Variants in RBFOX1 observed in about 807,000 individuals in gnomAD.
RBFOX1 encodes RNA binding fox-1 homolog 1.
In RBFOX1, 8 loss-of-function variants were observed where a neutral mutation model predicts 57.7. The observed-to-expected ratio is 0.14, with a 90% CI of 0.08 to 0.25. The LOEUF is 0.25. Ranked by LOEUF, RBFOX1 falls within the 10% of genes least tolerant of loss-of-function variation. RBFOX1 has a pLI of 1.00. For missense variants in RBFOX1, 611 were observed against 548.5 expected (o/e 1.11, Z -1.14); for synonymous variants, 326 against 222.4 (o/e 1.47, Z -4.15).
intron 1 of RBFOX1, among the ~76,000 whole-genome samples, chr16:6,287,322 A>G (rs1229863535): frequency 1.3e-5 from 2 of 152,148 alleles, no homozygotes; most frequent in Non-Finnish European, 2.9e-5. Context: ...TATCTTGTCT[A>G]TTTGTTCGGA....
At chr16:7,267,752 A>T (rs1316046456) in intron 4 of RBFOX1, among the ~76,000 whole-genome samples, 4 of 152,022 alleles carry the variant, frequency 2.6e-5, no homozygotes, top group African/African-American at 9.7e-5. Flanking sequence ...GCTACTTGGG[A>T]GGCTGAGGTG....
rs1445568097 is a variant in RBFOX1 at position 7,366,700 on chromosome 16, C to G, written c.28-151447C>G. Among the ~76,000 whole-genome samples the G allele has an allele frequency of 2.0e-5, 3 of 151,804 alleles. No homozygotes were observed. In the Middle Eastern group the frequency reaches 0.01, roughly 520 times the overall value. Reference sequence around the variant, plus strand: ...TTGTCAAGCCTGCATTGTGCTAAGCCCTATTAAAATGGTGCCAGAGACCCA... The same window carrying G: ...TTGTCAAGCCTGCATTGTGCTAAGCGCTATTAAAATGGTGCCAGAGACCCA... On this transcript the variant is annotated intron_variant, in intron 4 of 15. Coordinates refer to ENST00000550418, the MANE Select transcript of RBFOX1 (RefSeq NM_018723.4).
At chr16:5,348,688 T>C (rs535426342) in intron 1 of RBFOX1, among the ~76,000 whole-genome samples, 119 of 152,334 alleles carry the variant, frequency 7.8e-4, no homozygotes, top group Admixed American at 2.6e-3. Context: ...ATGTGTTTAG[T>C]AGATGTGTAC....
At chr16:5,765,389 G>A (rs929243194) in intron 3 of RBFOX1, among the ~76,000 whole-genome samples, 1 of 152,044 alleles carries the variant, frequency 6.6e-6, no homozygotes, top group African/African-American at 2.4e-5. Context: ...TCTTTGGAGG[G>A]GAAAAAATCC....
chr16:7,024,647 A>G (rs1427893309), intron 3 of RBFOX1, among the ~76,000 whole-genome samples: 1 of 152,112 alleles, frequency 6.6e-6, no homozygotes, highest in Non-Finnish European at 1.5e-5. Context: ...ATGCTTAGGG[A>G]GATCTCCTGT....
At chr16:7,702,521 A>C (rs985856067) in intron 14 of RBFOX1, among the ~76,000 whole-genome samples, 1 of 152,220 alleles carries the variant, frequency 6.6e-6, no homozygotes, top group Non-Finnish European at 1.5e-5. Flanking sequence ...AAATGCCCAT[A>C]ACAGTTTATG....
intron 1 of RBFOX1, among the ~76,000 whole-genome samples, chr16:6,056,628 G>A (rs980052869): frequency 1.1e-4 from 17 of 152,158 alleles, no homozygotes; most frequent in Non-Finnish European, 2.9e-5. Flanking sequence ...TACCAGGAGA[G>A]GAGACTGGCG....
At chr16:5,974,588 C>T (rs528788404) in intron 4 of RBFOX1, among the ~76,000 whole-genome samples, 24 of 152,012 alleles carry the variant, frequency 1.6e-4, no homozygotes, top group Middle Eastern at 3.4e-3. Context: ...TGAGCCTGGG[C>T]GACAGAGCGA....
chr16:7,038,725 G>A (rs556595971), intron 3 of RBFOX1, among the ~76,000 whole-genome samples: 115 of 152,216 alleles, frequency 7.6e-4, no homozygotes, highest in African/African-American at 2.6e-3. Flanking sequence ...TATTGGCCAC[G>A]TGCTGCCTGG....
chr16:6,898,264 C>G (rs1248738923), intron 3 of RBFOX1, among the ~76,000 whole-genome samples: 1 of 152,148 alleles, frequency 6.6e-6, no homozygotes, highest in East Asian at 1.9e-4. Context: ...TGATCACCTG[C>G]CATCCTCAAG....
chr16:5,903,360 T>C (rs2058357546), intron 4 of RBFOX1, among the ~76,000 whole-genome samples: 1 of 152,162 alleles, frequency 6.6e-6, no homozygotes, highest in East Asian at 1.9e-4. Flanking sequence ...TGCGTGACTA[T>C]GCCTATTCTT....
intron 14 of RBFOX1, among the ~76,000 whole-genome samples, chr16:7,695,905 A>G (rs1191712135): frequency 6.6e-6 from 1 of 152,136 alleles, no homozygotes; most frequent in Non-Finnish European, 1.5e-5. Flanking sequence ...AAGAGGTGCT[A>G]TTGTCACATT....
chr16:5,991,666 T>C (rs200405114), intron 4 of RBFOX1, among the ~76,000 whole-genome samples: 4 of 124,306 alleles, frequency 3.2e-5, no homozygotes, highest in South Asian at 2.6e-4. Flanking sequence ...TTTTTTTTTT[T>C]CTTTTTTTGG....
intron 4 of RBFOX1, among the ~76,000 whole-genome samples, chr16:7,492,824 C>T (rs1174932505): frequency 6.6e-6 from 1 of 152,174 alleles, no homozygotes; most frequent in African/African-American, 2.4e-5. Flanking sequence ...CTTCACCTTC[C>T]ACCGTGAGTA....
At chr16:6,720,399 C>G (rs898821270) in intron 3 of RBFOX1, among the ~76,000 whole-genome samples, 1 of 152,140 alleles carries the variant, frequency 6.6e-6, no homozygotes, top group African/African-American at 2.4e-5. Context: ...GAACTGTGAA[C>G]CATGTAAATC....
intron 4 of RBFOX1, among the ~76,000 whole-genome samples, chr16:7,391,987 GCTCTCT>G (rs1396113800): frequency 3.9e-5 from 6 of 152,168 alleles, no homozygotes; most frequent in African/African-American, 1.4e-4. Flanking sequence ...TAGAATACAA[GCTCTCT>G]CTGTCTTCCT....
In RBFOX1 at chr16:6,754,739, A is replaced by C. The variant is rs941826069; in HGVS notation, c.-16+100089A>C. On this transcript the variant is annotated intron_variant, in intron 3 of 15. Coordinates refer to ENST00000550418, the MANE Select transcript of RBFOX1 (RefSeq NM_018723.4). ...ATTATTATAGTTTAAGTTTTAGGGTACATGTGCACAATGTGCAGGTTAGTT... is the reference window on the plus strand; with the variant it reads ...ATTATTATAGTTTAAGTTTTAGGGTCCATGTGCACAATGTGCAGGTTAGTT... Among the ~76,000 whole-genome samples the C allele has an allele frequency of 3.3e-5, 5 of 152,176 alleles. No homozygotes were observed. In the South Asian group the frequency reaches 8.3e-4, roughly 25 times the overall value.
At chr16:5,987,424 T>C (rs2060305274) in intron 4 of RBFOX1, among the ~76,000 whole-genome samples, 1 of 152,230 alleles carries the variant, frequency 6.6e-6, no homozygotes, top group African/African-American at 2.4e-5. Flanking sequence ...AAATGGATCA[T>C]GTTTTGGCCT....
rs899039016 is a variant in RBFOX1 at position 6,944,083 on chromosome 16, C to T, written c.-15-107974C>T. Among the ~76,000 whole-genome samples the T allele has an allele frequency of 5.3e-5, 8 of 152,038 alleles. No individual in the cohort carries two copies. In the South Asian group the frequency reaches 1.7e-3, roughly 32 times the overall value. ...CAAAGCCTGAAACCTGTGGCTCAGG[C>T]CCAGGCTAGACTCTACTTAAGACCA... On this transcript the variant is annotated intron_variant, in intron 3 of 15. Transcript: ENST00000550418.
Sources: allele counts gnomAD v4.1 joint callset (sites outside exome capture counted in the v4.1 genomes callset), GRCh38; gene constraint gnomAD v4.1.1; transcripts MANE v1.5; gene names NCBI Gene and HGNC (gene_info 2026-07-23, HGNC 2026-07-21).